The following ENPP2 variants were observed in gnomAD, a reference collection of about 807,000 sequenced individuals.
ENPP2 encodes autotaxin.
In ENPP2, 51 loss-of-function variants were observed where a neutral mutation model predicts 120.2. The observed-to-expected ratio is 0.42, with a 90% CI of 0.34 to 0.54. The LOEUF (loss-of-function observed/expected upper bound fraction) is 0.54, where lower values mean the gene tolerates loss of function less well. ENPP2 is among the 20% of genes least tolerant of loss of function. The pLI is 0.04. For synonymous variants in ENPP2, 365 were observed against 366.4 expected, an observed-to-expected ratio of 1.00 and a Z score of 0.04; for missense variants, 920 against 1,066.5, an observed-to-expected ratio of 0.86 and a Z score of 1.91.
chr8:119,558,433 G>A (rs1008092818), intron 24 of ENPP2, among the ~76,000 whole-genome samples: 3 of 151,984 alleles, frequency 2.0e-5, no homozygotes, highest in Non-Finnish European at 2.9e-5. Context: ...AGAAGCGGGG[G>A]GAAAGGTAAA....
At position 119,568,188 on chromosome 8, in the gene ENPP2, A is replaced by G. The variant is rs1814634992; in HGVS notation, c.2118T>C (p.Tyr706=). Reference sequence around the variant, plus strand: ...TATTGGACTTACGTTTGAAAGCAGGATACATTGGAACCATATTGGTTACAA... The same window carrying G: ...TATTGGACTTACGTTTGAAAGCAGGGTACATTGGAACCATATTGGTTACAA... ...AFLVTNMVPM[Y]PAFKRVWNYF... Residue 706 remains tyrosine (Y), a synonymous_variant, in exon 22 of 25, where the codon TAT becomes TAC. Transcript: ENST00000075322. The G allele has an allele frequency of 1.9e-6, 3 of 1,570,834 alleles. No homozygotes were observed. The highest frequency in any genetic ancestry group is 2.6e-6 in the Non-Finnish European group (3 of 1,141,248).
intron 24 of ENPP2, among the ~76,000 whole-genome samples, chr8:119,558,654 A>C (rs1008454969): frequency 1.3e-5 from 2 of 152,116 alleles, no homozygotes; most frequent in Admixed American, 6.6e-5. Flanking sequence ...AAGTTGAGGG[A>C]AAGAGTGAGA....
upstream of ENPP2, among the ~76,000 whole-genome samples, chr8:119,639,111 C>G (rs1347385776): frequency 2.0e-5 from 3 of 152,064 alleles, no homozygotes; most frequent in Non-Finnish European, 4.4e-5. Flanking sequence ...ATTTTCCTTT[C>G]CTCACAAAAA....
chr8:119,610,928 A>G (rs1216507411), intron 8 of ENPP2, among the ~76,000 whole-genome samples: 1 of 150,558 alleles, frequency 6.6e-6, no homozygotes, highest in Non-Finnish European at 1.5e-5. Context: ...AAATACAACT[A>G]AAAAAATAAG....
At position 119,583,765 on chromosome 8, in the gene ENPP2, T is replaced by C. The variant is rs1360559829; in HGVS notation, c.1495A>G (p.Thr499Ala). ...ATGTTTTCAAATGGAGGCACTTTAG[T>C]CTTGTACTTAAATGTTGAGCCATAA... ...VGYGSTFKYK[T>A]KVPPFENIEL... Residue 499 changes from threonine (T) to alanine (A), a missense_variant, in exon 17 of 25, where the codon ACT becomes GCT. Thr to Ala is a moderately conservative substitution (Grantham distance 58, BLOSUM62 0). Transcript: ENST00000075322. 6.2e-7 allele frequency: 1 copy of C among 1,603,358 alleles called. No homozygotes were observed. Among genetic ancestry groups the C allele is most frequent in the Non-Finnish European group, 8.5e-7 (1 of 1,171,230 alleles).
intron 2 of ENPP2, among the ~76,000 whole-genome samples, chr8:119,636,019 A>G (rs1057355109): frequency 1.3e-5 from 2 of 152,230 alleles, no homozygotes; most frequent in African/African-American, 4.8e-5. Context: ...GAAGCTAGCC[A>G]TATATCAATA....
intron 9 of ENPP2, among the ~76,000 whole-genome samples, chr8:119,602,997 C>T (rs923711961): frequency 6.6e-6 from 1 of 152,146 alleles, no homozygotes; most frequent in Non-Finnish European, 1.5e-5. Flanking sequence ...CCCTCTCTTT[C>T]TGGAACTATC....
chr8:119,573,188 G>T (rs948189226), intron 19 of ENPP2: 2 of 151,990 alleles, frequency 1.3e-5, no homozygotes, highest in African/African-American at 4.8e-5. Flanking sequence ...CGGGTGGATT[G>T]CTTAAGGTCA....
At chr8:119,583,156 T>G (rs1235210139) in intron 17 of ENPP2, among the ~76,000 whole-genome samples, 5 of 152,116 alleles carry the variant, frequency 3.3e-5, no homozygotes, top group Non-Finnish European at 5.9e-5. Flanking sequence ...GTAACTTGCT[T>G]GAGCTCAGAG....
intron 3 of ENPP2, among the ~76,000 whole-genome samples, chr8:119,626,269 C>T (rs187077530): frequency 1.3e-5 from 2 of 152,144 alleles, no homozygotes; most frequent in Non-Finnish European, 1.5e-5. Flanking sequence ...TGGGAATTGA[C>T]AGAAAGATAT....
rs555352038 is a variant in ENPP2, at chr8:119,624,051, T to C, written c.292+2514A>G. On this transcript the variant is annotated intron_variant, in intron 3 of 24. Transcript: ENST00000075322. ...CAATCTTCTAAGGTTGCTTTGACTC[T>C]AGATATTGTGGGGTTTTTTCAATTC... Among the ~76,000 whole-genome samples, 3 of 152,308 alleles carry C rather than the reference T, an allele frequency of 2.0e-5. No individual in the cohort carries two copies. In the East Asian group the frequency reaches 5.8e-4, roughly 29 times the overall value.
intron 20 of ENPP2, among the ~76,000 whole-genome samples, chr8:119,570,262 C>T (rs1228092613): frequency 2.5e-5 from 3 of 117,994 alleles, no homozygotes; most frequent in Admixed American, 2.4e-4. Context: ...GAGCAAGACT[C>T]GGTCTCAAAA....
At chr8:119,605,465 T>TGTGTGTG (rs1434195692) in intron 9 of ENPP2, among the ~76,000 whole-genome samples, 3 of 146,382 alleles carry the variant, frequency 2.0e-5, no homozygotes, top group African/African-American at 2.6e-5. Context: ...TGTGTGTGTG[T>TGTGTGTG]ATTTTTTTTT....
intron 20 of ENPP2, among the ~76,000 whole-genome samples, chr8:119,570,045 G>A (rs907074563): frequency 3.3e-5 from 5 of 152,130 alleles, no homozygotes. Context: ...GAGGCAGGCA[G>A]ATCACCTGAG....
chr8:119,644,602 A>G (rs868454691), intron 1 of ENPP2, among the ~76,000 whole-genome samples: 2,386 of 96,160 alleles, frequency 0.025, 105 homozygotes, highest in African/African-American at 0.052. Flanking sequence ...ATATATATAT[A>G]TATATATATA....
At chr8:119,667,012 GAA>G (rs1385479783) in intron 1 of ENPP2, among the ~76,000 whole-genome samples, 1 of 152,048 alleles carries the variant, frequency 6.6e-6, no homozygotes, top group Non-Finnish European at 1.5e-5. Flanking sequence ...GTCGAGGTAG[GAA>G]AATCAAGTCG....
At chr8:119,600,798 C>CA (rs761536658) in intron 10 of ENPP2, 48 bp from the exon 11 acceptor site, 1 of 993,898 alleles carries the variant, frequency 1.0e-6, no homozygotes, top group Non-Finnish European at 1.6e-6. Flanking sequence ...CCACATGTAA[C>CA]AAAAAATATC....
At chr8:119,632,215 G>A (rs1816730611) in intron 2 of ENPP2, among the ~76,000 whole-genome samples, 1 of 152,170 alleles carries the variant, frequency 6.6e-6, no homozygotes, top group East Asian at 1.9e-4. Context: ...TGAGAGGCGG[G>A]ATGAAAACTG....
chr8:119,655,866 T>C (rs547261716), intron 1 of ENPP2, among the ~76,000 whole-genome samples: 40 of 152,330 alleles, frequency 2.6e-4, no homozygotes, highest in African/African-American at 7.7e-4. Context: ...CAGCACACTA[T>C]GCAATGGGAC....
Sources: gnomAD v4.1 joint callset for allele counts (sites outside exome capture counted in the v4.1 genomes callset) on GRCh38, gnomAD v4.1.1 for gene constraint, MANE v1.5 for transcripts, NCBI Gene and HGNC (gene_info 2026-07-23, HGNC 2026-07-21) for gene names.